Variants in RBFOX1 observed in about 807,000 individuals in gnomAD.
RBFOX1 encodes the protein RNA binding protein fox-1 homolog 1.
Under a neutral mutation model 57.7 loss-of-function variants are expected in RBFOX1, and 8 were observed. That is an observed-to-expected ratio of 0.14 (90% CI 0.08 to 0.25). RBFOX1 has a LOEUF of 0.25. RBFOX1 is among the 10% of genes least tolerant of loss of function. RBFOX1 has a pLI of 1.00. For missense variants in RBFOX1, 611 were observed against 548.5 expected (o/e 1.11, Z -1.14); for synonymous variants, 326 against 222.4 (o/e 1.47, Z -4.15).
At chr16:6,549,021 G>C (rs544513433) in intron 2 of RBFOX1, among the ~76,000 whole-genome samples, 30 of 149,336 alleles carry the variant, frequency 2.0e-4, no homozygotes, top group African/African-American at 6.7e-4. Context: ...GTTGCAGTGA[G>C]CTGAGATCAT....
At chr16:7,002,539 C>T (rs1596582428) in intron 3 of RBFOX1, among the ~76,000 whole-genome samples, 1 of 152,078 alleles carries the variant, frequency 6.6e-6, no homozygotes, top group Non-Finnish European at 1.5e-5. Context: ...TGGTGAAACC[C>T]CGTCTCTACT....
At chr16:5,533,613 A>T (rs1191336489) in intron 2 of RBFOX1, among the ~76,000 whole-genome samples, 1 of 152,148 alleles carries the variant, frequency 6.6e-6, no homozygotes, top group African/African-American at 2.4e-5. Context: ...CTCAGCATGG[A>T]TGAGATATTA....
intron 3 of RBFOX1, among the ~76,000 whole-genome samples, chr16:5,840,394 A>T (rs1368406663): frequency 6.6e-6 from 1 of 152,174 alleles, no homozygotes; most frequent in African/African-American, 2.4e-5. Context: ...CTGAGGGCGC[A>T]TGAGATGAGG....
chr16:6,125,440 A>G (rs998367162), intron 1 of RBFOX1, among the ~76,000 whole-genome samples: 15 of 152,180 alleles, frequency 9.9e-5, no homozygotes, highest in African/African-American at 3.6e-4. Context: ...CTTTGGGTAC[A>G]TGGCTAGGCC....
chr16:5,710,359 C>A (rs561197677), intron 3 of RBFOX1, among the ~76,000 whole-genome samples: 1 of 152,142 alleles, frequency 6.6e-6, no homozygotes, highest in African/African-American at 2.4e-5. Context: ...GGATGGCTGC[C>A]TTCTCCTGCT....
At chr16:6,820,598 G>A (rs56846105) in intron 3 of RBFOX1, among the ~76,000 whole-genome samples, 14 of 152,230 alleles carry the variant, frequency 9.2e-5, no homozygotes, top group East Asian at 3.9e-4. Flanking sequence ...GTTAGAGGCT[G>A]CTGCAAGCCA....
At chr16:6,291,949 A>ATGTGTGTGTG (rs112285049) in intron 1 of RBFOX1, among the ~76,000 whole-genome samples, 2 of 149,444 alleles carry the variant, frequency 1.3e-5, no homozygotes, top group African/African-American at 2.5e-5. Context: ...GTTGGAATGA[A>ATGTGTGTGTG]TGTGTGTGTG....
intron 4 of RBFOX1, among the ~76,000 whole-genome samples, chr16:7,478,212 C>G (rs900354927): frequency 6.6e-6 from 1 of 152,212 alleles, no homozygotes. Context: ...GAAAATGTTG[C>G]TACCTTCATG....
chr16:6,927,812 G>A (rs1267137366), intron 3 of RBFOX1, among the ~76,000 whole-genome samples: 1 of 152,150 alleles, frequency 6.6e-6, no homozygotes, highest in Non-Finnish European at 1.5e-5. Context: ...TAAAGAGCCA[G>A]AAGCCTAACA....
At chr16:7,245,438 G>T in intron 4 of RBFOX1, among the ~76,000 whole-genome samples, 1 of 130,912 alleles carries the variant, frequency 7.6e-6, no homozygotes. Flanking sequence ...AGTATTAGTT[G>T]AATGTTTGAA....
intron 1 of RBFOX1, among the ~76,000 whole-genome samples, chr16:6,296,758 G>C (rs2078163462): frequency 6.6e-6 from 1 of 152,144 alleles, no homozygotes; most frequent in South Asian, 2.1e-4. Context: ...GCATGGCACT[G>C]TTAGTGATCA....
At chr16:6,726,122 C>A (rs904068077) in intron 3 of RBFOX1, among the ~76,000 whole-genome samples, 4 of 152,006 alleles carry the variant, frequency 2.6e-5, no homozygotes, top group African/African-American at 7.2e-5. Flanking sequence ...TTACACAGAG[C>A]CAGGAGGGGG....
intron 4 of RBFOX1, among the ~76,000 whole-genome samples, chr16:7,212,159 C>T (rs1026044578): frequency 7.2e-5 from 11 of 152,110 alleles, no homozygotes; most frequent in African/African-American, 1.9e-4. Flanking sequence ...GTGGCAGATC[C>T]GGGAGGACTG....
chr16:7,639,438 G>T (rs1255764782), intron 11 of RBFOX1, among the ~76,000 whole-genome samples: 1 of 152,120 alleles, frequency 6.6e-6, no homozygotes, highest in East Asian at 1.9e-4. Flanking sequence ...TTAGTCCTTT[G>T]ATCGGAGAGG....
chr16:6,318,911 C>G (rs1347215940), intron 2 of RBFOX1, among the ~76,000 whole-genome samples: 1 of 151,838 alleles, frequency 6.6e-6, no homozygotes, highest in South Asian at 2.1e-4. Context: ...GGTTTCCATC[C>G]TGTCCTTGGG....
At chr16:6,906,713 T>C (rs1457087719) in intron 3 of RBFOX1, among the ~76,000 whole-genome samples, 1 of 142,566 alleles carries the variant, frequency 7.0e-6, no homozygotes, top group East Asian at 2.1e-4. Context: ...TCCATAAATA[T>C]TTGCAGAACT....
chr16:7,059,414 C>A (rs1449359533), intron 4 of RBFOX1, among the ~76,000 whole-genome samples: 1 of 152,090 alleles, frequency 6.6e-6, no homozygotes, highest in East Asian at 1.9e-4. Flanking sequence ...TGAGCAGAAA[C>A]CGTATGCCAA....
Position 6,794,088 on chromosome 16 carries a change from G to A in RBFOX1, c.-16+139438G>A, listed in dbSNP as rs189355651. Among the ~76,000 whole-genome samples the A allele has an allele frequency of 5.3e-4, 81 of 152,152 alleles. 2 individuals carry two copies. The highest frequency in any genetic ancestry group is 5.3e-3 in the Admixed American group (81 of 15,266). ...CTGCCCAATAACATCTGAAATGACT[G>A]AACTATAAGTTTAGGGAGCATGGGA... On this transcript the variant is annotated intron_variant, in intron 3 of 15. Coordinates refer to ENST00000550418, the MANE Select transcript of RBFOX1 (RefSeq NM_018723.4).
At chr16:6,824,788 A>G (rs1346937100) in intron 3 of RBFOX1, among the ~76,000 whole-genome samples, 1 of 151,990 alleles carries the variant, frequency 6.6e-6, no homozygotes, top group Non-Finnish European at 1.5e-5. Flanking sequence ...AAAAGGAATT[A>G]AATATATTTT....
Sources: allele counts gnomAD v4.1 joint callset (sites outside exome capture counted in the v4.1 genomes callset), GRCh38; gene constraint gnomAD v4.1.1; transcripts MANE v1.5; gene names NCBI Gene and HGNC (gene_info 2026-07-23, HGNC 2026-07-21).